Variants in ANO8 observed in about 807,000 individuals in gnomAD.
ANO8 encodes the protein anoctamin-8.
In ANO8, 67 loss-of-function variants were observed where a neutral mutation model predicts 120.4. The observed-to-expected ratio is 0.56, with a 90% CI of 0.46 to 0.68. ANO8 has a LOEUF of 0.68. Among genes scored for constraint, ANO8 ranks in the 30% least tolerant of loss-of-function variants. The pLI, the probability that ANO8 is intolerant of heterozygous loss-of-function variation, is 0.00. For missense variants in ANO8, 1,526 were observed against 1,737.6 expected, an observed-to-expected ratio of 0.88 and a Z score of 2.16; for synonymous variants, 727 against 759.2, an observed-to-expected ratio of 0.96 and a Z score of 0.70.
chr19:17,329,341 C>T (rs1264058546), intron 12 of ANO8: 2 of 340,316 alleles, frequency 5.9e-6, no homozygotes, highest in Middle Eastern at 8.1e-4. Context: ...CAGCTCGGCG[C>T]GCCAGGCCCC....
At position 17,334,708 on chromosome 19, in the gene ANO8, G is replaced by T; in HGVS notation, c.-38C>A. ...TCAGGTCAGGGGCTACGGACGGCCCGGGCGACGGGGAGCCGCGGGCTCATG... is the reference window on the plus strand; with the variant it reads ...TCAGGTCAGGGGCTACGGACGGCCCTGGCGACGGGGAGCCGCGGGCTCATG... On this transcript the variant is annotated 5_prime_UTR_variant, in exon 1 of 18. Transcript: ENST00000159087. 7.5e-7 allele frequency: 1 copy of T among 1,339,662 alleles called. No homozygotes were observed. The highest frequency in any genetic ancestry group is 9.6e-7 in the Non-Finnish European group (1 of 1,046,464). 83.0% of individuals were successfully genotyped at this position (1,339,662 alleles called of 1,614,324 possible). A position where few individuals can be genotyped will look rare whatever the true frequency, so the allele number is the denominator to read the frequency against.
Position 17,330,956 on chromosome 19 carries a change from G to C in ANO8, c.865C>G (p.Leu289Val). The stretch of plus-strand genomic sequence containing the variant: ...AGCGTCGACCAGATCACGTTGAAGA[G>C]GGCAAAGACCACGCAGGAAACATCC... ...SRDVSCVVFA[L>V]FNVIWSTLFL... The change falls in exon 8 of 18, where the codon CTC becomes GTC. Residue 289 changes from leucine to valine, a missense_variant. Leu to Val is a conservative substitution (Grantham distance 32). Transcript: ENST00000159087. 6.2e-7 allele frequency: 1 copy of C among 1,614,194 alleles called. No individual in the cohort carries two copies. The highest frequency in any genetic ancestry group is 8.5e-7 in the Non-Finnish European group (1 of 1,180,048).
At chr19:17,328,098 C>T in intron 13 of ANO8, 64 bp downstream of exon 13, 3 of 1,375,538 alleles carry the variant, frequency 2.2e-6, no homozygotes, top group South Asian at 2.9e-5. Context: ...GGCCTTCACC[C>T]TCGGACGGTG....
chr19:17,328,222 C>T lies in ANO8; in HGVS notation c.2166G>A (p.Glu722=), dbSNP rs2074287227. 1 of 1,606,142 alleles carries T rather than the reference C, an allele frequency of 6.2e-7. No individual in the cohort carries two copies. The part of the protein sequence containing the change: ...QNRSSWIDPP[E]EEHSPQLTQA... ...GGGTGAGCTGGGGCGAGTGTTCCTCCTCCGGCGGGTCAATCCAAGACGACC... is the reference window on the plus strand; with the variant it reads ...GGGTGAGCTGGGGCGAGTGTTCCTCTTCCGGCGGGTCAATCCAAGACGACC... The change falls in exon 13 of 18, where the codon GAG becomes GAA. Residue 722 remains glutamate (E), a synonymous_variant. Transcript: ENST00000159087.
At position 17,323,798 on chromosome 19, in the gene ANO8, G is replaced by T; in HGVS notation, c.3418C>A (p.Arg1140=). 1 of 1,153,938 alleles carries T rather than the reference G, an allele frequency of 8.7e-7. No homozygotes were observed. The highest frequency in any genetic ancestry group is 1.1e-6 in the Non-Finnish European group (1 of 937,476). 71.5% of individuals were successfully genotyped at this position (1,153,938 alleles called of 1,614,324 possible). A position where few individuals can be genotyped will look rare whatever the true frequency, so the allele number is the denominator to read the frequency against. ...CAGCCTGCGGGCGGTGTCGGGGGCC[G>T]GGGCAGCGGCATTGGCGGCGGCGGC... ...PAPPPPMPLP[R]PPTPPAGCWQ... is the part of the protein sequence containing the mutation. Residue 1140 remains arginine (R), a synonymous_variant, in exon 18 of 18, where the codon CGG becomes AGG. Coordinates refer to ENST00000159087, the MANE Select transcript of ANO8 (RefSeq NM_020959.3).
At chr19:17,327,611 TC>T in intron 14 of ANO8, 42 bp from the exon 15 acceptor site, 1 of 1,609,954 alleles carries the variant, frequency 6.2e-7, no homozygotes, top group Non-Finnish European at 8.5e-7. Context: ...CCAGCCGGCC[TC>T]CCCAGACCCC....
Sources: gnomAD v4.1 joint callset for allele counts on GRCh38, gnomAD v4.1.1 for gene constraint, MANE v1.5 for transcripts, NCBI Gene and HGNC (gene_info 2026-07-23, HGNC 2026-07-21) for gene names.